The following ZNF23 variants were observed in gnomAD, a reference collection of about 807,000 sequenced individuals.
ZNF23 encodes the protein zinc finger protein 23, also known as kruppel-like zinc finger factor X31.
A neutral mutation model predicts 56.2 loss-of-function variants in ZNF23; 48 were observed. The ratio of observed to expected loss-of-function variants is 0.85; its 90% CI spans 0.68 to 1.09. The LOEUF is 1.09. Among genes scored for constraint, ZNF23 ranks in the 50% least tolerant of loss-of-function variants. ZNF23 has a pLI of 0.00. For synonymous variants in ZNF23, 266 were observed against 283.3 expected, an observed-to-expected ratio of 0.94 and a Z score of 0.61; for missense variants, 805 against 811.4, an observed-to-expected ratio of 0.99 and a Z score of 0.10.
At chr16:71,456,057 T>C (rs1416976029) in intron 2 of ZNF23, 4 of 456,402 alleles carry the variant, frequency 8.8e-6, no homozygotes, top group Non-Finnish European at 1.3e-5. Context: ...GGTGTGACTG[T>C]GGACTGTTCC....
rs535029261 is a variant in ZNF23 at position 71,458,206 on chromosome 16, G to T, written c.-32-1378C>A. 2.0e-5 allele frequency among the ~76,000 whole-genome samples: 3 copies of T among 152,340 alleles called. No homozygotes were observed. In the East Asian group the frequency reaches 5.8e-4, roughly 29 times the overall value. On this transcript the variant is annotated intron_variant, in intron 1 of 4. Transcript: ENST00000647773. ...CCTGAGAGAGGAGATCACTGTAGCAGCCAGTCCCGTGACCCAGAGCCTCTT... is the reference window on the plus strand; with the variant it reads ...CCTGAGAGAGGAGATCACTGTAGCATCCAGTCCCGTGACCCAGAGCCTCTT...
At position 71,449,888 on chromosome 16, in the gene ZNF23, A is replaced by G. The variant is rs371396762; in HGVS notation, c.269-3T>C. On this transcript the variant is annotated splice_polypyrimidine_tract_variant and splice_region_variant and intron_variant, in intron 4 of 4. Coordinates refer to ENST00000647773, the MANE Select transcript of ZNF23 (RefSeq NM_001381984.1). ...ATCATTGTCAGTCTGAATATCTACT[A>G]TAAAAAACAGAAAACATAAAATGTC... 10 of 1,573,862 alleles carry G rather than the reference A, an allele frequency of 6.4e-6. No individual in the cohort carries two copies. Among genetic ancestry groups the G allele is most frequent in the Non-Finnish European group, 8.6e-6 (10 of 1,165,406 alleles).
Position 71,454,090 on chromosome 16 carries a change from G to C in ZNF23, c.112C>G (p.Leu38Val). The change falls in exon 3 of 5, where the codon CTG becomes GTG. Residue 38 changes from leucine to valine, a missense_variant. Leu to Val is a conservative substitution (Grantham distance 32). Transcript: ENST00000647773. ...TTCTCCAGCATCACATCCCTGTACA[G>C]GGTCCTCTGTGCAGGGGACAGGCCA... ...WDGLSPAQRT[L>V]YRDVMLENYG... 2 of 1,614,106 alleles carry C rather than the reference G, an allele frequency of 1.2e-6. No homozygotes were observed. The highest frequency in any genetic ancestry group is 1.7e-6 in the Non-Finnish European group (2 of 1,180,004).
At chr16:71,453,717 T>A in intron 3 of ZNF23, 1 of 511,110 alleles carries the variant, frequency 2.0e-6, no homozygotes, top group South Asian at 2.4e-5. Context: ...ACTGAGATCC[T>A]TGAAAAGACT....
At chr16:71,452,972 C>T (rs2043106080) in intron 4 of ZNF23, among the ~76,000 whole-genome samples, 1 of 152,184 alleles carries the variant, frequency 6.6e-6, no homozygotes, top group Non-Finnish European at 1.5e-5. Context: ...TACTGAGTCC[C>T]TTAATTTTGT....
rs778852644 is a variant in ZNF23 at position 71,449,364 on chromosome 16, C to A, written c.790G>T (p.Glu264Ter). The A allele has an allele frequency of 3.7e-6, 6 of 1,614,210 alleles. 1 individual carries two copies. In the South Asian group the frequency reaches 6.6e-5, roughly 18 times the overall value. ...LIWHQRLHSG[E>*]KPFKCVECGK... is the part of the protein sequence containing the mutation. Reference sequence around the variant, plus strand: ...CACTCCACACATTTGAAGGGTTTCTCCCCACTGTGAAGTCTCTGATGCCAA... The same window carrying A: ...CACTCCACACATTTGAAGGGTTTCTACCCACTGTGAAGTCTCTGATGCCAA... Residue 264 changes from glutamate (E) to a stop codon, truncating the protein, a stop_gained, in exon 5 of 5, where the codon GAG becomes TAG. Coordinates refer to ENST00000647773, the MANE Select transcript of ZNF23 (RefSeq NM_001381984.1). LOFTEE classifies it high-confidence loss of function.
chr16:71,449,566 T>C lies in ZNF23; in HGVS notation c.588A>G (p.Thr196=), dbSNP rs542589664. Residue 196 remains threonine (T), a synonymous_variant, in exon 5 of 5, where the codon ACA becomes ACG. Transcript: ENST00000647773. ...TAATTATTTCATGCTTCACGAGTTTTGTATCAAAGCTGATGGATTTCCCCA... is the reference window on the plus strand; with the variant it reads ...TAATTATTTCATGCTTCACGAGTTTCGTATCAAAGCTGATGGATTTCCCCA... ...TGLGKSISFD[T]KLVKHEIINS... 7 of 1,614,170 alleles carry C rather than the reference T, an allele frequency of 4.3e-6. No homozygotes were observed. In the South Asian group the frequency reaches 6.6e-5, roughly 15 times the overall value.
At chr16:71,452,774 A>G (rs2043100728) in intron 4 of ZNF23, 1 of 154,384 alleles carries the variant, frequency 6.5e-6, no homozygotes, top group South Asian at 2.0e-4. Flanking sequence ...ATTTTCAGAG[A>G]TGAGAACACT....
At chr16:71,453,967 A>G (rs887951442) in intron 3 of ZNF23, 75 bp downstream of exon 3, 1 of 1,517,552 alleles carries the variant, frequency 6.6e-7, no homozygotes, top group African/African-American at 1.4e-5. Context: ...AGATCCCCTC[A>G]GTAACCTGTA....
Position 71,449,275 on chromosome 16 carries a change from C to G in ZNF23, c.879G>C (p.Lys293Asn). The change falls in exon 5 of 5, where the codon AAG becomes AAC. Residue 293 changes from lysine to asparagine, a missense_variant. By Grantham distance (94) the Lys-to-Asn change is moderately conservative. Coordinates refer to ENST00000647773, the MANE Select transcript of ZNF23 (RefSeq NM_001381984.1). ...TCCCACACATCTTACACTGATAGGG[C>G]TTCTCCCCACTGTGGATTGTCTGAT... is the stretch of plus-strand genomic sequence containing the variant. The part of the protein sequence containing the change: ...ITHQTIHSGE[K>N]PYQCKMCGKA... 1 of 1,614,218 alleles carries G rather than the reference C, an allele frequency of 6.2e-7. No individual in the cohort carries two copies. The highest frequency in any genetic ancestry group is 1.3e-5 in the African/African-American group (1 of 75,056).
intron 1 of ZNF23, among the ~76,000 whole-genome samples, chr16:71,459,051 T>C (rs543818467): frequency 1.5e-4 from 23 of 152,350 alleles, no homozygotes; most frequent in Non-Finnish European, 2.8e-4. Context: ...TAAGCACCAC[T>C]CCAATCCTCT....
intron 4 of ZNF23, 172 bp from the exon 5 acceptor site, chr16:71,450,057 A>ACT: frequency 1.9e-6 from 1 of 518,460 alleles, no homozygotes; most frequent in East Asian, 3.1e-5. Flanking sequence ...ACTAACTAGT[A>ACT]AAAGAATACA....
chr16:71,452,234 C>A (rs886951766), intron 4 of ZNF23: 3 of 152,208 alleles, frequency 2.0e-5, no homozygotes, highest in African/African-American at 4.8e-5. Context: ...ATACGGCAAA[C>A]TCCATTTCCA....
rs773095487 is a variant in ZNF23 at position 71,453,362 on chromosome 16, G to A, written c.161-12C>T. On this transcript the variant is annotated splice_polypyrimidine_tract_variant and intron_variant, in intron 3 of 4. Transcript: ENST00000647773. ...GAGAAGTGGAAATCCTGGTTTGGGA[G>A]AGGTAAATAGGAGAGACAGATGAAT... The A allele has an allele frequency of 8.3e-6, 13 of 1,562,474 alleles. No homozygotes were observed. Among genetic ancestry groups the A allele is most frequent in the Non-Finnish European group, 1.1e-5 (13 of 1,146,672 alleles).
chr16:71,461,768 A>G (rs1458294737), intron 1 of ZNF23: 2 of 151,978 alleles, frequency 1.3e-5, no homozygotes, highest in Admixed American at 1.3e-4. Flanking sequence ...CTAATTCATG[A>G]CCCTATGTCA....
intron 1 of ZNF23, among the ~76,000 whole-genome samples, chr16:71,459,796 C>A (rs1399055803): frequency 1.3e-5 from 2 of 152,132 alleles, no homozygotes; most frequent in African/African-American, 4.8e-5. Context: ...GTTATATAAC[C>A]CAATCTACTA....
chr16:71,450,061 G>T (rs1252358975), intron 4 of ZNF23, 176 bp from the exon 5 acceptor site: 1 of 506,866 alleles, frequency 2.0e-6, no homozygotes, highest in Non-Finnish European at 3.4e-6. Flanking sequence ...ACTAGTAAAA[G>T]AATACAATAA....
intron 3 of ZNF23, 130 bp downstream of exon 3, chr16:71,453,912 G>T: frequency 8.7e-7 from 1 of 1,145,512 alleles, no homozygotes; most frequent in Non-Finnish European, 1.3e-6. Flanking sequence ...TCTAAGTCTA[G>T]ATTAGGAACA....
In ZNF23 at chr16:71,449,409, T is replaced by C. The variant is rs773031332; in HGVS notation, c.745A>G (p.Ser249Gly). 25 of 1,614,164 alleles carry C rather than the reference T, an allele frequency of 1.5e-5. No homozygotes were observed. Among genetic ancestry groups the C allele is most frequent in the Non-Finnish European group, 2.1e-5 (25 of 1,180,056 alleles). ...TGCCAAATTAATTTCTCATTAATGC[T>C]GAAAGCTTTGCCACACTCCGAACAC... Reference protein sequence around the residue: ...YQCSECGKAFSINEKLIWHQR... With the variant: ...YQCSECGKAFGINEKLIWHQR... The change falls in exon 5 of 5, where the codon AGC becomes GGC. Residue 249 changes from serine (S) to glycine (G), a missense_variant. Coordinates refer to ENST00000647773, the MANE Select transcript of ZNF23 (RefSeq NM_001381984.1).
Sources: allele counts gnomAD v4.1 joint callset (sites outside exome capture counted in the v4.1 genomes callset), GRCh38; gene constraint gnomAD v4.1.1; transcripts MANE v1.5; gene names NCBI Gene and HGNC (gene_info 2026-07-23, HGNC 2026-07-21).